The following SHB variants were observed in gnomAD, a reference collection of about 807,000 sequenced individuals.
The protein encoded by SHB is SH2 domain-containing adapter protein B.
Under a neutral mutation model 52.3 loss-of-function variants are expected in SHB, and 20 were observed. That is an observed-to-expected ratio of 0.38 (90% CI 0.27 to 0.56). SHB has a LOEUF of 0.56. SHB is among the 20% of genes least tolerant of loss of function. The probability of loss-of-function intolerance (pLI) is 0.71; values close to 1 mark genes in which losing one functional copy is unlikely to be tolerated. For missense variants in SHB, 825 were observed against 723.3 expected (o/e 1.14, Z -1.61); for synonymous variants, 397 against 316.5 (o/e 1.25, Z -2.70).
At chr9:37,920,295 CA>C (rs1351249690) in intron 5 of SHB, among the ~76,000 whole-genome samples, 1 of 137,258 alleles carries the variant, frequency 7.3e-6, no homozygotes, top group Non-Finnish European at 1.5e-5. Context: ...CAAAACAAAA[CA>C]AAACAAAACA....
intron 5 of SHB, among the ~76,000 whole-genome samples, chr9:37,928,007 G>A (rs991443340): frequency 3.3e-5 from 5 of 151,392 alleles, no homozygotes; most frequent in African/African-American, 1.2e-4. Context: ...AGGCCTGTGT[G>A]TCGGAAATTA....
chr9:37,972,157 T>C (rs1324601156), intron 3 of SHB, among the ~76,000 whole-genome samples: 1 of 152,132 alleles, frequency 6.6e-6, no homozygotes. Context: ...CACACCTGCC[T>C]GTGGTGCTGC....
intron 2 of SHB, chr9:38,015,426 C>T (rs967011407): frequency 1.4e-6 from 1 of 703,106 alleles, no homozygotes; most frequent in Non-Finnish European, 2.6e-6. Context: ...GTTTTGTCAT[C>T]AAGGGCCAAC....
At chr9:38,038,227 C>T (rs1221932631) in intron 1 of SHB, among the ~76,000 whole-genome samples, 1 of 152,144 alleles carries the variant, frequency 6.6e-6, no homozygotes, top group African/African-American at 2.4e-5. Flanking sequence ...AGGCACCAGG[C>T]GTGGTCAGGT....
At chr9:38,006,963 C>A (rs1821082800) in intron 2 of SHB, among the ~76,000 whole-genome samples, 1 of 152,194 alleles carries the variant, frequency 6.6e-6, no homozygotes, top group African/African-American at 2.4e-5. Context: ...CCCCTGAATT[C>A]CAGCCCTTGA....
chr9:38,000,995 C>T (rs1338546329), intron 2 of SHB, among the ~76,000 whole-genome samples: 1 of 152,202 alleles, frequency 6.6e-6, no homozygotes, highest in Non-Finnish European at 1.5e-5. Context: ...GTGTGAGAAT[C>T]CAATCAGCAG....
intron 1 of SHB, among the ~76,000 whole-genome samples, chr9:38,030,853 A>G (rs1473899453): frequency 1.3e-5 from 2 of 152,068 alleles, no homozygotes; most frequent in East Asian, 3.9e-4. Context: ...TAGCTAAGTC[A>G]TTCTATCAGC....
intron 1 of SHB, among the ~76,000 whole-genome samples, chr9:38,028,165 T>TGTCCCAGAGACTAAGCAGGCAC (rs1402558870): frequency 2.6e-5 from 4 of 152,246 alleles, no homozygotes; most frequent in Non-Finnish European, 5.9e-5. Flanking sequence ...TCTAGGGCCC[T>TGTCCCAGAGACTAAGCAGGCAC]GTCCCAGAGA....
intron 2 of SHB, among the ~76,000 whole-genome samples, chr9:37,984,557 C>T (rs973602760): frequency 3.3e-5 from 5 of 152,162 alleles, no homozygotes; most frequent in African/African-American, 1.2e-4. Flanking sequence ...CTCTCCTGGC[C>T]TTTTCCAGAC....
intron 1 of SHB, among the ~76,000 whole-genome samples, chr9:38,052,424 T>C (rs993690636): frequency 2.6e-5 from 4 of 152,218 alleles, no homozygotes; most frequent in Non-Finnish European, 4.4e-5. Context: ...AATGCTCTGA[T>C]GGACTGAGTA....
chr9:38,055,652 C>T (rs1010586754), intron 1 of SHB, among the ~76,000 whole-genome samples: 1 of 152,132 alleles, frequency 6.6e-6, no homozygotes, highest in Non-Finnish European at 1.5e-5. Flanking sequence ...TGAATTCCTC[C>T]CTCTCCAATA....
intron 5 of SHB, among the ~76,000 whole-genome samples, chr9:37,929,128 C>T (rs1041281482): frequency 6.6e-5 from 10 of 152,240 alleles, no homozygotes; most frequent in Non-Finnish European, 1.2e-4. Flanking sequence ...AGTCCCTGCC[C>T]TGAACTGTGC....
At chr9:38,026,606 T>C (rs1821346762) in intron 1 of SHB, among the ~76,000 whole-genome samples, 1 of 152,210 alleles carries the variant, frequency 6.6e-6, no homozygotes. Context: ...CCCAATTACA[T>C]TCCGCTTAAC....
chr9:37,995,862 T>TA (rs1385897512), intron 2 of SHB, among the ~76,000 whole-genome samples: 1 of 152,204 alleles, frequency 6.6e-6, no homozygotes, highest in Non-Finnish European at 1.5e-5. Context: ...CAGAGGGGTT[T>TA]AAAATCAGTT....
At chr9:37,985,564 T>G (rs1820794915) in intron 2 of SHB, among the ~76,000 whole-genome samples, 1 of 152,238 alleles carries the variant, frequency 6.6e-6, no homozygotes, top group Non-Finnish European at 1.5e-5. Context: ...AGCTTGCTGC[T>G]CTGGGGGCCA....
At position 38,066,371 on chromosome 9, in the gene SHB, C is replaced by T. The variant is rs562875377; in HGVS notation, c.717+1558G>A. On this transcript the variant is annotated intron_variant, in intron 1 of 5. Coordinates refer to ENST00000377707, the MANE Select transcript of SHB (RefSeq NM_003028.3). Reference sequence around the variant, plus strand: ...CTCTCGTGCCTTTTATATACAAGACCTCCAGGTTTCCCCAGTGCCTGCACC... The same window carrying T: ...CTCTCGTGCCTTTTATATACAAGACTTCCAGGTTTCCCCAGTGCCTGCACC... Among the ~76,000 whole-genome samples the T allele has an allele frequency of 2.0e-5, 3 of 152,288 alleles. No homozygotes were observed. In the East Asian group the frequency reaches 5.8e-4, roughly 29 times the overall value.
At chr9:37,959,878 C>A (rs1832675681) in intron 3 of SHB, among the ~76,000 whole-genome samples, 1 of 152,166 alleles carries the variant, frequency 6.6e-6, no homozygotes, top group Non-Finnish European at 1.5e-5. Flanking sequence ...AGGGTAGGGG[C>A]TGTATCATGT....
Position 38,068,381 on chromosome 9 carries a change from C to T in SHB, c.265G>A (p.Glu89Lys). 6 of 1,576,586 alleles carry T rather than the reference C, an allele frequency of 3.8e-6. No homozygotes were observed. The highest frequency in any genetic ancestry group is 3.4e-6 in the Non-Finnish European group (4 of 1,164,924). ...TTGTAGGGGTCCTCGAAGTCTCGCT[C>T]CTTCTGCGCGCGGTAGGCGCGGATG... Reference protein sequence around the residue: ...DLIRAYRAQKERDFEDPYNGP... With the variant: ...DLIRAYRAQKKRDFEDPYNGP... Residue 89 changes from glutamate to lysine, a missense_variant, in exon 1 of 6, where the codon GAG (glutamate) becomes AAG (lysine). Coordinates refer to ENST00000377707, the MANE Select transcript of SHB (RefSeq NM_003028.3).
chr9:38,023,802 CAG>C (rs946494173), intron 1 of SHB, among the ~76,000 whole-genome samples: 3 of 152,240 alleles, frequency 2.0e-5, no homozygotes, highest in African/African-American at 7.2e-5. Flanking sequence ...GGCCAGCATC[CAG>C]GGCCCTGAGG....
Sources: gnomAD v4.1 joint callset for allele counts (sites outside exome capture counted in the v4.1 genomes callset) on GRCh38, gnomAD v4.1.1 for gene constraint, MANE v1.5 for transcripts, NCBI Gene and HGNC (gene_info 2026-07-23, HGNC 2026-07-21) for gene names.